The following ADAMTS3 variants were observed in gnomAD, a reference collection of about 807,000 sequenced individuals.
ADAMTS3 encodes the protein ADAM metallopeptidase with thrombospondin type 1 motif 3.
Under a neutral mutation model 129.0 loss-of-function variants are expected in ADAMTS3, and 73 were observed. The ratio of observed to expected loss-of-function variants is 0.57; its 90% CI spans 0.47 to 0.69. The LOEUF is 0.69. ADAMTS3 is among the 30% of genes least tolerant of loss of function. The pLI, the probability that ADAMTS3 is intolerant of heterozygous loss-of-function variation, is 0.00. For synonymous variants in ADAMTS3, 477 were observed against 510.8 expected (o/e 0.93, Z 0.89); for missense variants, 1,457 against 1,514.5 (o/e 0.96, Z 0.63).
chr4:72,568,536 A>T (rs1301360316), intron 1 of ADAMTS3, among the ~76,000 whole-genome samples, 158 bp downstream of exon 1: 1 of 152,082 alleles, frequency 6.6e-6, no homozygotes, highest in Non-Finnish European at 1.5e-5. Flanking sequence ...AAAAGCCCGC[A>T]CGCTGCGCCC....
intron 4 of ADAMTS3, among the ~76,000 whole-genome samples, chr4:72,382,317 A>AT (rs1183623001): frequency 4.7e-5 from 7 of 150,152 alleles, no homozygotes; most frequent in African/African-American, 9.8e-5. Flanking sequence ...CATAGTAGTC[A>AT]TGGATATAAT....
At chr4:72,338,194 CAG>C (rs1474038973) in intron 5 of ADAMTS3, among the ~76,000 whole-genome samples, 2 of 152,054 alleles carry the variant, frequency 1.3e-5, no homozygotes, top group African/African-American at 4.8e-5. Context: ...AGAAGCAGGA[CAG>C]AGAGTCCAAG....
At chr4:72,390,728 T>C (rs1578638285) in intron 4 of ADAMTS3, among the ~76,000 whole-genome samples, 2 of 152,062 alleles carry the variant, frequency 1.3e-5, no homozygotes, top group East Asian at 3.9e-4. Context: ...TTCCAAAGCA[T>C]AGCAAAAACA....
rs374781400 is a variant in ADAMTS3 at position 72,489,434 on chromosome 4, G to A, written c.504+59044C>T. On this transcript the variant is annotated intron_variant, in intron 3 of 21. Coordinates refer to ENST00000286657, the MANE Select transcript of ADAMTS3 (RefSeq NM_014243.3). ...ATGAAATCTAATGTCATCTAGCTCT[G>A]TCTTGCCCAGGACATGAATCATTCC... Among the ~76,000 whole-genome samples, 21 of 151,992 alleles carry A rather than the reference G, an allele frequency of 1.4e-4. No homozygotes were observed. In the South Asian group the frequency reaches 4.4e-3, roughly 32 times the overall value.
intron 4 of ADAMTS3, among the ~76,000 whole-genome samples, chr4:72,408,308 C>T (rs1419578159): frequency 6.6e-6 from 1 of 152,008 alleles, no homozygotes; most frequent in Admixed American, 6.6e-5. Context: ...AAAAGATCCT[C>T]TGAAGACAGA....
At chr4:72,468,813 T>A (rs1258683672) in intron 3 of ADAMTS3, among the ~76,000 whole-genome samples, 2 of 151,972 alleles carry the variant, frequency 1.3e-5, no homozygotes, top group Non-Finnish European at 2.9e-5. Context: ...TCACAGCTTA[T>A]CTTGCCAGTG....
chr4:72,403,846 C>T (rs1173988034), intron 4 of ADAMTS3, among the ~76,000 whole-genome samples: 3 of 151,928 alleles, frequency 2.0e-5, no homozygotes, highest in African/African-American at 7.2e-5. Context: ...AATATTAGAA[C>T]TTGCACAATG....
chr4:72,351,046 T>A (rs1720421796), intron 4 of ADAMTS3, among the ~76,000 whole-genome samples: 1 of 151,986 alleles, frequency 6.6e-6, no homozygotes, highest in South Asian at 2.1e-4. Context: ...CTGGGATTCA[T>A]CTGGAAACCC....
Position 72,518,977 on chromosome 4 carries a change from A to G in ADAMTS3, c.504+29501T>C, listed in dbSNP as rs376232083. 1.7e-3 allele frequency among the ~76,000 whole-genome samples: 253 copies of G among 151,696 alleles called. 1 individual carries two copies. Among genetic ancestry groups the G allele is most frequent in the African/African-American group, 5.6e-3 (233 of 41,342 alleles). On this transcript the variant is annotated intron_variant, in intron 3 of 21. Transcript: ENST00000286657. ...GCATGATTTTGCAGCGGCTGGTACCAGTTGTTCCTTTCCATGTTTAGTGCT... is the reference window on the plus strand; with the variant it reads ...GCATGATTTTGCAGCGGCTGGTACCGGTTGTTCCTTTCCATGTTTAGTGCT...
chr4:72,442,482 C>A (rs946941130), intron 3 of ADAMTS3, among the ~76,000 whole-genome samples: 1 of 151,596 alleles, frequency 6.6e-6, no homozygotes, highest in Non-Finnish European at 1.5e-5. Context: ...CAAGAAAAAG[C>A]AAGGCAGGAG....
chr4:72,311,260 TA>T, intron 13 of ADAMTS3, 79 bp from the exon 14 acceptor site: 1 of 1,276,188 alleles, frequency 7.8e-7, no homozygotes, highest in Non-Finnish European at 1.1e-6. Context: ...TATTTTTAAA[TA>T]TAAGGTTTCA....
chr4:72,492,373 C>A (rs1458939084), intron 3 of ADAMTS3, among the ~76,000 whole-genome samples: 1 of 150,838 alleles, frequency 6.6e-6, no homozygotes, highest in East Asian at 1.9e-4. Context: ...GGCATTTATA[C>A]CTACAAAGAT....
At chr4:72,544,160 T>C (rs894808512) in intron 3 of ADAMTS3, among the ~76,000 whole-genome samples, 5 of 152,144 alleles carry the variant, frequency 3.3e-5, no homozygotes, top group Non-Finnish European at 5.9e-5. Flanking sequence ...AGTAGTAGTC[T>C]AGTATTGCTC....
At chr4:72,379,533 A>G (rs1417388402) in intron 4 of ADAMTS3, among the ~76,000 whole-genome samples, 1 of 152,174 alleles carries the variant, frequency 6.6e-6, no homozygotes, top group Non-Finnish European at 1.5e-5. Context: ...CATGATTTCA[A>G]AAGAAATAAG....
At chr4:72,483,794 C>A (rs891479133) in intron 3 of ADAMTS3, among the ~76,000 whole-genome samples, 2 of 151,882 alleles carry the variant, frequency 1.3e-5, no homozygotes. Flanking sequence ...CTGAGGCAGG[C>A]GATCATGAGG....
At chr4:72,469,952 G>A (rs1335271230) in intron 3 of ADAMTS3, among the ~76,000 whole-genome samples, 2 of 152,126 alleles carry the variant, frequency 1.3e-5, no homozygotes, top group African/African-American at 4.8e-5. Flanking sequence ...GCAACAGTAA[G>A]CTATTAGTGG....
intron 4 of ADAMTS3, among the ~76,000 whole-genome samples, chr4:72,369,654 T>C (rs1224817001): frequency 6.6e-6 from 1 of 151,668 alleles, no homozygotes; most frequent in Non-Finnish European, 1.5e-5. Flanking sequence ...GAGGTTGCAG[T>C]TAGCCAAGAT....
At chr4:72,464,746 G>C (rs1718872956) in intron 3 of ADAMTS3, among the ~76,000 whole-genome samples, 1 of 152,022 alleles carries the variant, frequency 6.6e-6, no homozygotes, top group South Asian at 2.1e-4. Context: ...TGTGCAAGAA[G>C]TGTCTCTACA....
chr4:72,331,800 C>T (rs747446171), intron 5 of ADAMTS3, among the ~76,000 whole-genome samples: 1 of 152,222 alleles, frequency 6.6e-6, no homozygotes, highest in East Asian at 1.9e-4. Context: ...AATGACATGT[C>T]GTCTTAGGAA....
Sources: gnomAD v4.1 joint callset for allele counts (sites outside exome capture counted in the v4.1 genomes callset) on GRCh38, gnomAD v4.1.1 for gene constraint, MANE v1.5 for transcripts, NCBI Gene and HGNC (gene_info 2026-07-23, HGNC 2026-07-21) for gene names.